The following GADL1 variants were observed in gnomAD, a reference collection of about 807,000 sequenced individuals.
The protein encoded by GADL1 is GAD like acidic amino acid decarboxylase 1, also known as acidic amino acid decarboxylase GADL1.
In GADL1, 71 loss-of-function variants were observed where a neutral mutation model predicts 69.5. That is an observed-to-expected ratio of 1.02 (90% CI 0.84 to 1.25). The LOEUF (loss-of-function observed/expected upper bound fraction) is 1.25, where lower values mean the gene tolerates loss of function less well. Ranked by LOEUF, GADL1 falls within the 50% of genes most tolerant of loss-of-function variation. The pLI is 0.00. For missense variants in GADL1, 737 were observed against 631.8 expected (o/e 1.17, Z -1.79); for synonymous variants, 254 against 214.4 (o/e 1.18, Z -1.62).
intron 11 of GADL1, among the ~76,000 whole-genome samples, chr3:30,809,440 A>G (rs1395844115): frequency 6.6e-6 from 1 of 152,202 alleles, no homozygotes; most frequent in East Asian, 1.9e-4. Context: ...CAAGAGGCAG[A>G]CACATTGTGC....
chr3:30,773,405 TTA>T (rs1438230374), intron 14 of GADL1, among the ~76,000 whole-genome samples: 1 of 147,222 alleles, frequency 6.8e-6, no homozygotes, highest in Non-Finnish European at 1.5e-5. Context: ...CTTTTTAATG[TTA>T]TCTTATTTTC....
chr3:30,737,185 G>A (rs889051853), intron 14 of GADL1, among the ~76,000 whole-genome samples: 3 of 152,080 alleles, frequency 2.0e-5, no homozygotes, highest in Non-Finnish European at 4.4e-5. Context: ...CCACCCAAAT[G>A]CTCTTTTTCA....
intron 14 of GADL1, among the ~76,000 whole-genome samples, chr3:30,766,491 T>C (rs536833822): frequency 1.8e-4 from 27 of 150,866 alleles, no homozygotes; most frequent in African/African-American, 5.0e-4. Flanking sequence ...CTTAGCACTA[T>C]GTGAAGTGGT....
intron 14 of GADL1, among the ~76,000 whole-genome samples, chr3:30,774,681 T>G (rs186273357): frequency 2.0e-4 from 31 of 152,312 alleles, no homozygotes; most frequent in Middle Eastern, 3.4e-3. Flanking sequence ...ATATAAAGTC[T>G]TATGTTGCCT....
At chr3:30,738,822 T>C (rs1695575577) in intron 14 of GADL1, among the ~76,000 whole-genome samples, 1 of 152,150 alleles carries the variant, frequency 6.6e-6, no homozygotes, top group South Asian at 2.1e-4. Context: ...CCCACACACT[T>C]AGTGAGATGA....
At chr3:30,882,705 G>C (rs1465280329) in intron 1 of GADL1, among the ~76,000 whole-genome samples, 1 of 151,928 alleles carries the variant, frequency 6.6e-6, no homozygotes, top group Non-Finnish European at 1.5e-5. Flanking sequence ...GGATATGGTA[G>C]TTCTATTTCT....
chr3:30,810,540 A>G (rs1027279365), intron 11 of GADL1, among the ~76,000 whole-genome samples: 23 of 152,080 alleles, frequency 1.5e-4, no homozygotes, highest in African/African-American at 5.1e-4. Flanking sequence ...TCCTTAATAC[A>G]TTTGACGTTT....
At chr3:30,789,085 G>A (rs1157886817) in intron 12 of GADL1, among the ~76,000 whole-genome samples, 1 of 152,108 alleles carries the variant, frequency 6.6e-6, no homozygotes, top group African/African-American at 2.4e-5. Context: ...AATTCACTTT[G>A]CCCAGATCTA....
intron 14 of GADL1, among the ~76,000 whole-genome samples, chr3:30,748,672 G>A (rs1190491213): frequency 3.3e-5 from 5 of 152,030 alleles, no homozygotes; most frequent in Admixed American, 2.0e-4. Context: ...TCAGAAAATC[G>A]GTACCAACAG....
At position 30,726,705 on chromosome 3, in the gene GADL1, C is replaced by T. The variant is rs1239047309; in HGVS notation, c.*1537G>A. 7 of 152,156 alleles carry T rather than the reference C, an allele frequency of 4.6e-5. No homozygotes were observed. The highest frequency in any genetic ancestry group is 1.0e-4 in the Non-Finnish European group (7 of 68,032). The allele number at this position is 152,156 out of a possible 1,614,324, so 9.4% of individuals were successfully genotyped here. ...ATGTGCTAAGTCTAATGCTTTAACA[C>T]TCTTCAATCATTCACCTTTTAATGC... On this transcript the variant is annotated 3_prime_UTR_variant, in exon 15 of 15. Transcript: ENST00000282538.
At chr3:30,767,348 G>A (rs1184156981) in intron 14 of GADL1, among the ~76,000 whole-genome samples, 1 of 152,130 alleles carries the variant, frequency 6.6e-6, no homozygotes, top group Non-Finnish European at 1.5e-5. Context: ...GGAGGATAGA[G>A]TATTAGCAGA....
At chr3:30,754,832 A>G (rs1041009604) in intron 14 of GADL1, among the ~76,000 whole-genome samples, 11 of 148,636 alleles carry the variant, frequency 7.4e-5, no homozygotes, top group Non-Finnish European at 1.2e-4. Context: ...ACTCTGTTCT[A>G]TGAGGGGGCA....
chr3:30,748,310 T>C (rs1375769272), intron 14 of GADL1, among the ~76,000 whole-genome samples: 1 of 152,198 alleles, frequency 6.6e-6, no homozygotes, highest in East Asian at 1.9e-4. Flanking sequence ...TGAATAAGGA[T>C]GTAATTTTTT....
chr3:30,750,968 C>T (rs79511883), intron 14 of GADL1, among the ~76,000 whole-genome samples: 1,679 of 152,068 alleles, frequency 0.011, 23 homozygotes, highest in African/African-American at 0.036. Context: ...ATAAAAGAAG[C>T]GTGCTTTGAG....
chr3:30,815,442 T>G lies in GADL1; in HGVS notation c.1051-14354A>C, dbSNP rs6804985. ...CAAACCAAACAAGAAAACCGTTGTC[T>G]GACAGATTGCAAGTGTCCCGAAGGG... On this transcript the variant is annotated intron_variant, in intron 11 of 14. Coordinates refer to ENST00000282538, the MANE Select transcript of GADL1 (RefSeq NM_207359.3). Among the ~76,000 whole-genome samples, 483 of 152,322 alleles carry G rather than the reference T, an allele frequency of 3.2e-3. 4 individuals carry two copies. The highest frequency in any genetic ancestry group is 0.011 in the African/African-American group (458 of 41,576).
chr3:30,873,416 T>C (rs1271586964), intron 1 of GADL1, among the ~76,000 whole-genome samples: 1 of 151,930 alleles, frequency 6.6e-6, no homozygotes. Context: ...TAGTAAGTGG[T>C]GGAGCCAGAA....
intron 1 of GADL1, among the ~76,000 whole-genome samples, chr3:30,868,243 C>T (rs1698432028): frequency 6.6e-6 from 1 of 151,874 alleles, no homozygotes; most frequent in Non-Finnish European, 1.5e-5. Context: ...GTTAAAACTG[C>T]TCTCAGTTTT....
intron 11 of GADL1, among the ~76,000 whole-genome samples, chr3:30,810,727 C>A (rs75305931): frequency 6.6e-6 from 1 of 152,032 alleles, no homozygotes; most frequent in East Asian, 1.9e-4. Context: ...CTCTCTTGGC[C>A]GCACCCTCCT....
At chr3:30,851,809 C>T (rs1256053098) in intron 4 of GADL1, among the ~76,000 whole-genome samples, 1 of 152,164 alleles carries the variant, frequency 6.6e-6, no homozygotes, top group African/African-American at 2.4e-5. Flanking sequence ...CATCCTCCTC[C>T]TCCTTCCCCA....
Sources: allele counts gnomAD v4.1 joint callset (sites outside exome capture counted in the v4.1 genomes callset), GRCh38; gene constraint gnomAD v4.1.1; transcripts MANE v1.5; gene names NCBI Gene and HGNC (gene_info 2026-07-23, HGNC 2026-07-21).